The following VPS50 variants were observed in gnomAD, a reference collection of about 807,000 sequenced individuals.
VPS50 encodes the protein syndetin.
A neutral mutation model predicts 139.7 loss-of-function variants in VPS50; 70 were observed. The ratio of observed to expected loss-of-function variants is 0.50; its 90% CI spans 0.41 to 0.61. The LOEUF is 0.61. Among genes scored for constraint, VPS50 ranks in the 20% least tolerant of loss-of-function variants. The pLI is 0.00. For synonymous variants in VPS50, 365 were observed against 376.7 expected (o/e 0.97, Z 0.36); for missense variants, 921 against 1,133.7 (o/e 0.81, Z 2.69).
chr7:93,322,783 C>CA lies in VPS50; in HGVS notation c.1856-822dup, dbSNP rs1393964323. Among the ~76,000 whole-genome samples, 31 of 152,152 alleles carry CA rather than the reference C, an allele frequency of 2.0e-4. No individual in the cohort carries two copies. The South Asian group carries it at 5.4e-3, about 26-fold the overall frequency. ...ATGCTTCTTTTCCTCTTATTTCCCA[C>CA]AAAAAAGAGACAGAACTGGGGACTT... On this transcript the variant is annotated intron_variant, in intron 20 of 27. Transcript: ENST00000305866.
intron 21 of VPS50, among the ~76,000 whole-genome samples, chr7:93,328,199 A>C (rs368094015): frequency 6.6e-6 from 1 of 152,222 alleles, no homozygotes; most frequent in African/African-American, 2.4e-5. Flanking sequence ...TCACCTCTTA[A>C]ATTATGTTTT....
chr7:93,256,508 G>T lies in VPS50; in HGVS notation c.298-1G>T. On this transcript the variant is annotated splice_acceptor_variant, in intron 4 of 27. Transcript: ENST00000305866. LOFTEE classifies it high-confidence loss of function. ...CTTTGTTTGATTACATCTTCTTATA[G>T]GTATCTAAAAAAGTGGCAGATTTAA... 2 of 1,351,968 alleles carry T rather than the reference G, an allele frequency of 1.5e-6. No homozygotes were observed. Among genetic ancestry groups the T allele is most frequent in the South Asian group, 1.4e-5 (1 of 70,168 alleles). 83.7% of individuals were successfully genotyped at this position (1,351,968 alleles called of 1,614,324 possible).
At chr7:93,249,213 G>A (rs1358007141) in intron 2 of VPS50, among the ~76,000 whole-genome samples, 1 of 152,020 alleles carries the variant, frequency 6.6e-6, no homozygotes. Context: ...TTTTTGAAAT[G>A]TACACTTGTG....
intron 9 of VPS50, among the ~76,000 whole-genome samples, chr7:93,268,089 G>C (rs1301447382): frequency 1.3e-5 from 2 of 152,186 alleles, no homozygotes; most frequent in African/African-American, 4.8e-5. Flanking sequence ...GGAAATGGTA[G>C]AGCCCACAGG....
chr7:93,270,691 A>G (rs1419774953), intron 9 of VPS50, among the ~76,000 whole-genome samples: 1 of 151,918 alleles, frequency 6.6e-6, no homozygotes, highest in African/African-American at 2.4e-5. Context: ...CTAGCATCAG[A>G]TGAGTGGTTC....
Position 93,263,613 on chromosome 7 carries a change from C to T in VPS50, c.659+3981C>T, listed in dbSNP as rs186680814. On this transcript the variant is annotated intron_variant, in intron 9 of 27. Transcript: ENST00000305866. ...AGTGCAAACTCTCTAAGGAGAGTTA[C>T]TTGGAATAGCTGAGATGGAAAAACT... 1.8e-4 allele frequency among the ~76,000 whole-genome samples: 28 copies of T among 152,186 alleles called. No individual in the cohort carries two copies. The East Asian group carries it at 4.3e-3, about 23-fold the overall frequency.
intron 20 of VPS50, among the ~76,000 whole-genome samples, chr7:93,315,338 A>G (rs953117458): frequency 2.5e-4 from 38 of 152,344 alleles, no homozygotes; most frequent in African/African-American, 7.7e-4. Flanking sequence ...ATTTCATACT[A>G]CAAACTGCCA....
At chr7:93,240,076 A>G (rs1794934345) in intron 2 of VPS50, 142 bp downstream of exon 2, 3 of 578,468 alleles carry the variant, frequency 5.2e-6, no homozygotes, top group Non-Finnish European at 6.4e-6. Context: ...TTTATTGTAT[A>G]GTAGGTGTAG....
At chr7:93,292,186 G>C (rs1309811916) in intron 13 of VPS50, among the ~76,000 whole-genome samples, 1 of 151,882 alleles carries the variant, frequency 6.6e-6, no homozygotes, top group Admixed American at 6.6e-5. Context: ...ATGCTAGATG[G>C]TCAATATTAA....
At chr7:93,270,178 C>T (rs1248601728) in intron 9 of VPS50, among the ~76,000 whole-genome samples, 1 of 151,342 alleles carries the variant, frequency 6.6e-6, no homozygotes, top group Non-Finnish European at 1.5e-5. Context: ...GATTCAATCA[C>T]GTGTCCTAAG....
rs199668320 is a variant in VPS50 at position 93,294,686 on chromosome 7, T to C, written c.1167+50T>C. The C allele has an allele frequency of 7.9e-4, 1,097 of 1,379,992 alleles. 4 individuals are homozygous for C. Among genetic ancestry groups the C allele is most frequent in the Middle Eastern group, 3.7e-3 (20 of 5,426 alleles). 85.5% of individuals were successfully genotyped at this position (1,379,992 alleles called of 1,614,324 possible). A position where few individuals can be genotyped will look rare whatever the true frequency, so the allele number is the denominator to read the frequency against. On this transcript the variant is annotated intron_variant, in intron 14 of 27. Coordinates refer to ENST00000305866, the MANE Select transcript of VPS50 (RefSeq NM_017667.4). The stretch of plus-strand genomic sequence containing the variant: ...TTTCACAGAAGCAATAGAAATGTCA[T>C]GTCATAGTTTTAGAAATTCAGTTTT...
chr7:93,271,709 A>G (rs1796016089), intron 10 of VPS50, among the ~76,000 whole-genome samples: 1 of 151,766 alleles, frequency 6.6e-6, no homozygotes, highest in Admixed American at 6.6e-5. Context: ...AGAAACTAAA[A>G]AGGAAGAGAT....
At chr7:93,281,750 A>G (rs1796333212) in intron 12 of VPS50, among the ~76,000 whole-genome samples, 1 of 152,216 alleles carries the variant, frequency 6.6e-6, no homozygotes, top group African/African-American at 2.4e-5. Flanking sequence ...TTATACAACT[A>G]AAACATTAAT....
chr7:93,263,338 T>C (rs998581821), intron 9 of VPS50, among the ~76,000 whole-genome samples: 2 of 152,240 alleles, frequency 1.3e-5, no homozygotes, highest in African/African-American at 4.8e-5. Context: ...TTATATCTAT[T>C]CTAATTCTTG....
intron 21 of VPS50, among the ~76,000 whole-genome samples, chr7:93,330,933 C>T (rs1301531316): frequency 1.3e-5 from 2 of 151,896 alleles, no homozygotes; most frequent in African/African-American, 2.4e-5. Context: ...CTAATAAGTA[C>T]ATTTAGCAAA....
chr7:93,322,802 G>A (rs1797657062), intron 20 of VPS50, among the ~76,000 whole-genome samples: 1 of 152,000 alleles, frequency 6.6e-6, no homozygotes, highest in Admixed American at 6.6e-5. Context: ...GACAGAACTG[G>A]GGACTTGCAG....
At chr7:93,343,417 T>C (rs1798287901) in intron 23 of VPS50, among the ~76,000 whole-genome samples, 1 of 152,076 alleles carries the variant, frequency 6.6e-6, no homozygotes, top group Non-Finnish European at 1.5e-5. Context: ...CTGCAGGATA[T>C]TATCCAGGAG....
At chr7:93,256,948 G>A (rs1033884217) in intron 5 of VPS50, among the ~76,000 whole-genome samples, 13 of 151,988 alleles carry the variant, frequency 8.6e-5, no homozygotes, top group East Asian at 1.9e-4. Context: ...TGTTTTCATC[G>A]GAAAATCAGA....
intron 2 of VPS50, 79 bp downstream of exon 2, chr7:93,240,013 A>G (rs1794932877): frequency 3.4e-6 from 3 of 871,788 alleles, no homozygotes; most frequent in Non-Finnish European, 5.7e-6. Flanking sequence ...ATTGATTCAC[A>G]GAAGCTTTTC....
Sources: allele counts gnomAD v4.1 joint callset (sites outside exome capture counted in the v4.1 genomes callset), GRCh38; gene constraint gnomAD v4.1.1; transcripts MANE v1.5; gene names NCBI Gene and HGNC (gene_info 2026-07-23, HGNC 2026-07-21).